The following RASEF variants were observed in gnomAD, a reference collection of about 807,000 sequenced individuals.
The protein encoded by RASEF is ras and EF-hand domain-containing protein.
A neutral mutation model predicts 90.1 loss-of-function variants in RASEF; 68 were observed. The observed-to-expected ratio is 0.75, with a 90% CI of 0.62 to 0.92. The LOEUF (loss-of-function observed/expected upper bound fraction) is 0.92. RASEF is among the 40% of genes least tolerant of loss of function. RASEF has a pLI of 0.00. For missense variants in RASEF, 949 were observed against 937.2 expected, an observed-to-expected ratio of 1.01 and a Z score of -0.16; for synonymous variants, 331 against 345.2, an observed-to-expected ratio of 0.96 and a Z score of 0.46.
At chr9:83,144,326 GGAAAGAAAGAAA>G in the RASEF span, among the ~76,000 whole-genome samples, 158 of 39,470 alleles carry the variant, frequency 4.0e-3, no homozygotes, top group Middle Eastern at 0.01. Flanking sequence ...AAAGAAAGAA[GGAAAGAAAGAAA>G]GAAAGAAAGA....
the RASEF span, among the ~76,000 whole-genome samples, chr9:83,190,827 A>G: frequency 7.6e-6 from 1 of 131,096 alleles, no homozygotes; most frequent in Non-Finnish European, 1.6e-5. Flanking sequence ...CTGGTTTTGG[A>G]AAAAAAGACA....
At chr9:83,129,787 T>C in the RASEF span, among the ~76,000 whole-genome samples, 2 of 152,182 alleles carry the variant, frequency 1.3e-5, no homozygotes, top group African/African-American at 2.4e-5. Context: ...CCAAGTAGGG[T>C]TGCAGATGAG....
intron 14 of RASEF, 50 bp downstream of exon 14, chr9:82,996,962 G>A (rs775063255): frequency 9.6e-7 from 1 of 1,043,372 alleles, no homozygotes; most frequent in South Asian, 1.3e-5. Flanking sequence ...TTCCAAGATG[G>A]CCTAAAACTT....
chr9:83,054,600 CT>C (rs1364250932), intron 1 of RASEF: 1 of 150,094 alleles, frequency 6.7e-6, no homozygotes, highest in African/African-American at 2.5e-5. Context: ...AACTGCGTTC[CT>C]TTGGAGGAGG....
At chr9:83,021,086 C>T (rs571080822) in intron 3 of RASEF, among the ~76,000 whole-genome samples, 1 of 152,250 alleles carries the variant, frequency 6.6e-6, no homozygotes, top group Non-Finnish European at 1.5e-5. Context: ...GGTGAAGAAT[C>T]TAAAAGGAAT....
At chr9:83,131,091 A>G in the RASEF span, among the ~76,000 whole-genome samples, 47 of 152,296 alleles carry the variant, frequency 3.1e-4, no homozygotes, top group African/African-American at 9.9e-4. Flanking sequence ...AGACAACGTG[A>G]TCTCCTGGGT....
chr9:83,207,598 C>CTTTT, the RASEF span, among the ~76,000 whole-genome samples: 54 of 85,462 alleles, frequency 6.3e-4, no homozygotes, highest in African/African-American at 1.1e-3. Context: ...AGGAGGGCTG[C>CTTTT]TTTTTTTTTT....
intron 6 of RASEF, among the ~76,000 whole-genome samples, chr9:83,008,642 A>G (rs1217327603): frequency 6.6e-6 from 1 of 151,930 alleles, no homozygotes; most frequent in Non-Finnish European, 1.5e-5. Flanking sequence ...TGATGTTGCC[A>G]TCCTGGCTGC....
chr9:83,010,725 G>C (rs1829224453), intron 5 of RASEF, among the ~76,000 whole-genome samples: 1 of 152,062 alleles, frequency 6.6e-6, no homozygotes, highest in Non-Finnish European at 1.5e-5. Context: ...AAAAGCTAAG[G>C]CTTCTCTCTG....
intron 14 of RASEF, among the ~76,000 whole-genome samples, chr9:82,993,930 T>G (rs974767903): frequency 5.3e-5 from 8 of 152,178 alleles, no homozygotes; most frequent in Non-Finnish European, 1.0e-4. Flanking sequence ...CAGGCTATGA[T>G]GAGAATACAA....
At chr9:83,074,151 C>T in the RASEF span, among the ~76,000 whole-genome samples, 4 of 152,198 alleles carry the variant, frequency 2.6e-5, no homozygotes, top group East Asian at 7.7e-4. Context: ...TTATTTTGCT[C>T]AGGTCAGAAG....
chr9:83,083,019 C>T, the RASEF span, among the ~76,000 whole-genome samples: 7 of 152,170 alleles, frequency 4.6e-5, no homozygotes, highest in East Asian at 1.9e-4. Context: ...ATGGGTAGTT[C>T]GAATTCATAC....
the RASEF span, among the ~76,000 whole-genome samples, chr9:83,204,703 C>T: frequency 1.4e-4 from 21 of 152,264 alleles, no homozygotes; most frequent in Non-Finnish European, 2.4e-4. Context: ...GCATGCTTGG[C>T]ACACATGGAC....
chr9:83,218,814 C>T, the RASEF span, among the ~76,000 whole-genome samples: 4 of 152,104 alleles, frequency 2.6e-5, no homozygotes, highest in African/African-American at 9.7e-5. Flanking sequence ...ACTGGACAGT[C>T]AAGAAAGGGA....
the RASEF span, among the ~76,000 whole-genome samples, chr9:83,148,433 A>G: frequency 6.6e-6 from 1 of 152,158 alleles, no homozygotes. Context: ...CAGGGAGAAC[A>G]CCATGTGAAG....
At chr9:83,025,957 A>G (rs749246525) in intron 1 of RASEF, 36 bp from the exon 2 acceptor site, 2 of 1,506,600 alleles carry the variant, frequency 1.3e-6, no homozygotes, top group South Asian at 2.6e-5. Context: ...AACCAATTAT[A>G]AAATTTTAAA....
Position 82,990,482 on chromosome 9 carries a change from T to A in RASEF, c.2041-15A>T. ...GCCCCATACGTCTGTAAAAAAGAAATACACACAATTAAATGAAGCCCTTCA... is the reference window on the plus strand; with the variant it reads ...GCCCCATACGTCTGTAAAAAAGAAAAACACACAATTAAATGAAGCCCTTCA... On this transcript the variant is annotated splice_polypyrimidine_tract_variant and intron_variant, in intron 15 of 16. Coordinates refer to ENST00000376447, the MANE Select transcript of RASEF (RefSeq NM_152573.4). 1 of 1,583,696 alleles carries A rather than the reference T, an allele frequency of 6.3e-7. No individual in the cohort carries two copies. Among genetic ancestry groups the A allele is most frequent in the African/African-American group, 1.3e-5 (1 of 74,218 alleles).
At chr9:83,156,572 T>C in the RASEF span, among the ~76,000 whole-genome samples, 2 of 151,954 alleles carry the variant, frequency 1.3e-5, no homozygotes, top group Admixed American at 1.3e-4. Flanking sequence ...ACTCCAAAAT[T>C]TGTAGATCTG....
the RASEF span, among the ~76,000 whole-genome samples, chr9:83,105,157 A>G: frequency 1.3e-5 from 2 of 152,190 alleles, no homozygotes; most frequent in African/African-American, 4.8e-5. Context: ...AATTTCAACA[A>G]TTCATGCTCT....
Sources: gnomAD v4.1 joint callset for allele counts (sites outside exome capture counted in the v4.1 genomes callset) on GRCh38, gnomAD v4.1.1 for gene constraint, MANE v1.5 for transcripts, NCBI Gene and HGNC (gene_info 2026-07-23, HGNC 2026-07-21) for gene names.